The following MTHFD2L variants were observed in gnomAD, a reference collection of about 807,000 sequenced individuals.
The protein encoded by MTHFD2L is methylenetetrahydrofolate dehydrogenase (NADP+ dependent) 2 like.
Under a neutral mutation model 34.9 loss-of-function variants are expected in MTHFD2L, and 29 were observed. The observed-to-expected ratio is 0.83, with a 90% CI of 0.62 to 1.13. The LOEUF (loss-of-function observed/expected upper bound fraction) is 1.13. Ranked by LOEUF, MTHFD2L falls within the 50% of genes most tolerant of loss-of-function variation. The pLI is 0.00. For synonymous variants in MTHFD2L, 167 were observed against 155.7 expected (o/e 1.07, Z -0.54); for missense variants, 481 against 446.5 (o/e 1.08, Z -0.70).
At chr4:74,256,701 A>G (rs941260507) in intron 6 of MTHFD2L, among the ~76,000 whole-genome samples, 1 of 152,178 alleles carries the variant, frequency 6.6e-6, no homozygotes, top group African/African-American at 2.4e-5. Context: ...CATTTGTCAT[A>G]ATCAAATGAT....
At chr4:74,172,703 C>T (rs1728260761) in intron 1 of MTHFD2L, among the ~76,000 whole-genome samples, 1 of 152,152 alleles carries the variant, frequency 6.6e-6, no homozygotes, top group Non-Finnish European at 1.5e-5. Flanking sequence ...ATTGTGGGGT[C>T]TGGGAATCTG....
intron 6 of MTHFD2L, among the ~76,000 whole-genome samples, chr4:74,230,734 TG>T (rs1739915035): frequency 6.6e-6 from 1 of 152,146 alleles, no homozygotes; most frequent in Admixed American, 6.6e-5. Flanking sequence ...AAATCAGCTT[TG>T]CACAAGCTAC....
At chr4:74,180,002 C>T (rs1440677903) in intron 3 of MTHFD2L, among the ~76,000 whole-genome samples, 2 of 152,064 alleles carry the variant, frequency 1.3e-5, no homozygotes, top group African/African-American at 4.8e-5. Flanking sequence ...CTTTCCAGAT[C>T]ATTCAGCTTA....
At chr4:74,185,160 A>G (rs1361848112) in intron 3 of MTHFD2L, among the ~76,000 whole-genome samples, 6 of 150,208 alleles carry the variant, frequency 4.0e-5, no homozygotes, top group African/African-American at 1.5e-4. Flanking sequence ...TCAAAAAAAA[A>G]AAAAAAAAAA....
chr4:74,278,765 G>A (rs1165188933), intron 6 of MTHFD2L, among the ~76,000 whole-genome samples: 1 of 152,084 alleles, frequency 6.6e-6, no homozygotes, highest in Non-Finnish European at 1.5e-5. Flanking sequence ...GTAAGGATCA[G>A]TCCCACCGCT....
chr4:74,256,049 C>T (rs1292929368), intron 6 of MTHFD2L, among the ~76,000 whole-genome samples: 1 of 152,170 alleles, frequency 6.6e-6, no homozygotes, highest in Non-Finnish European at 1.5e-5. Context: ...AGTTCTGTTT[C>T]TGTTTTAAGT....
intron 1 of MTHFD2L, chr4:74,160,054 G>C (rs1046282440): frequency 7.8e-7 from 1 of 1,288,184 alleles, no homozygotes; most frequent in Non-Finnish European, 1.0e-6. Context: ...TTCTCTTCTA[G>C]GACCAGCAGA....
At chr4:74,237,837 A>G (rs991959862) in intron 6 of MTHFD2L, among the ~76,000 whole-genome samples, 1 of 152,198 alleles carries the variant, frequency 6.6e-6, no homozygotes, top group African/African-American at 2.4e-5. Context: ...AAAAAAAGGT[A>G]GGGGAGAGGC....
At chr4:74,249,145 C>T (rs1457453904) in intron 6 of MTHFD2L, among the ~76,000 whole-genome samples, 8 of 151,296 alleles carry the variant, frequency 5.3e-5, no homozygotes, top group Admixed American at 1.3e-4. Context: ...TCAGGACTTG[C>T]TTTATGAATC....
intron 7 of MTHFD2L, among the ~76,000 whole-genome samples, chr4:74,290,640 CTGTG>C (rs147970923): frequency 4.9e-4 from 73 of 149,266 alleles, no homozygotes; most frequent in African/African-American, 1.5e-3. Context: ...TGGTGAAAGA[CTGTG>C]TGTGTGTGTG....
intron 7 of MTHFD2L, among the ~76,000 whole-genome samples, chr4:74,282,171 C>T (rs115663791): frequency 5.3e-5 from 8 of 151,886 alleles, no homozygotes; most frequent in Admixed American, 5.3e-4. Context: ...GAAACTGGGC[C>T]CCAGTACTTC....
intron 1 of MTHFD2L, among the ~76,000 whole-genome samples, chr4:74,141,978 T>C (rs1199094681): frequency 1.3e-5 from 2 of 152,208 alleles, no homozygotes; most frequent in South Asian, 2.1e-4. Context: ...ATGAAATATG[T>C]AAATGGGAGA....
At chr4:74,298,212 A>G (rs1387313420) in intron 7 of MTHFD2L, among the ~76,000 whole-genome samples, 3 of 152,072 alleles carry the variant, frequency 2.0e-5, no homozygotes, top group Non-Finnish European at 2.9e-5. Context: ...AGGTGTGTTT[A>G]CAATGATATT....
At chr4:74,273,181 T>C (rs772274942) in intron 6 of MTHFD2L, among the ~76,000 whole-genome samples, 5 of 152,180 alleles carry the variant, frequency 3.3e-5, no homozygotes, top group African/African-American at 4.8e-5. Flanking sequence ...ATTTTAATAA[T>C]GGCTTTTAGC....
At chr4:74,118,349 T>C (rs1721690966), upstream of MTHFD2L, among the ~76,000 whole-genome samples, 1 of 152,208 alleles carries the variant, frequency 6.6e-6, no homozygotes, top group African/African-American at 2.4e-5. Flanking sequence ...AAAGTACTTT[T>C]TAATTGTAAT....
chr4:74,242,819 C>T (rs1741909765), intron 6 of MTHFD2L, among the ~76,000 whole-genome samples: 1 of 152,080 alleles, frequency 6.6e-6, no homozygotes, highest in African/African-American at 2.4e-5. Context: ...GTCTCTTTTC[C>T]TTGGCAGTAC....
chr4:74,249,671 G>T (rs1048111862), intron 6 of MTHFD2L, among the ~76,000 whole-genome samples: 4 of 152,102 alleles, frequency 2.6e-5, no homozygotes, highest in Non-Finnish European at 5.9e-5. Context: ...TTTAGGGCAG[G>T]CCTGGTGGTG....
rs375081082 is a variant in MTHFD2L at position 74,188,490 on chromosome 4, A to G, written c.452-11304A>G. On this transcript the variant is annotated intron_variant, in intron 3 of 7. Transcript: ENST00000325278. Reference sequence around the variant, plus strand: ...CTCAGAAGTCCTATCTCTAAATACAATCACATTAAGTGTTACAGCTTTAAT... The same window carrying G: ...CTCAGAAGTCCTATCTCTAAATACAGTCACATTAAGTGTTACAGCTTTAAT... Among the ~76,000 whole-genome samples, 3 of 152,278 alleles carry G rather than the reference A, an allele frequency of 2.0e-5. No individual in the cohort carries two copies. In the East Asian group the frequency reaches 5.8e-4, roughly 29 times the overall value.
chr4:74,243,884 G>A (rs1238380904), intron 6 of MTHFD2L, among the ~76,000 whole-genome samples: 4 of 152,096 alleles, frequency 2.6e-5, no homozygotes, highest in African/African-American at 9.7e-5. Flanking sequence ...TGTGAAATTT[G>A]GCCCAAAACA....
Sources: gnomAD v4.1 joint callset for allele counts (sites outside exome capture counted in the v4.1 genomes callset) on GRCh38, gnomAD v4.1.1 for gene constraint, MANE v1.5 for transcripts, NCBI Gene and HGNC (gene_info 2026-07-23, HGNC 2026-07-21) for gene names.